The following CTNNA2 variants were observed in gnomAD, a reference collection of about 807,000 sequenced individuals.
CTNNA2 encodes catenin alpha 2, also known as catenin alpha-2.
Under a neutral mutation model 101.0 loss-of-function variants are expected in CTNNA2, and 42 were observed. That is an observed-to-expected ratio of 0.42 (90% CI 0.32 to 0.54). The LOEUF is 0.54. Ranked by LOEUF, CTNNA2 falls within the 20% of genes least tolerant of loss-of-function variation. The pLI is 0.14. For missense variants in CTNNA2, 871 were observed against 1,223.1 expected (o/e 0.71, Z 4.29); for synonymous variants, 450 against 456.4 (o/e 0.99, Z 0.18).
chr2:79,402,594 GTCTC>G (rs941414296), intron 4 of CTNNA2, among the ~76,000 whole-genome samples: 3 of 150,896 alleles, frequency 2.0e-5, no homozygotes, highest in African/African-American at 4.8e-5. Flanking sequence ...CTCTCTCTCT[GTCTC>G]TCTCTCTCTG....
At chr2:80,122,282 T>G (rs1294469310) in intron 7 of CTNNA2, among the ~76,000 whole-genome samples, 1 of 151,654 alleles carries the variant, frequency 6.6e-6, no homozygotes, top group Non-Finnish European at 1.5e-5. Flanking sequence ...TCTTTGTCTC[T>G]GTCTCTCTCT....
chr2:80,069,959 A>T (rs969831341), intron 7 of CTNNA2, among the ~76,000 whole-genome samples: 2 of 152,186 alleles, frequency 1.3e-5, no homozygotes, highest in African/African-American at 4.8e-5. Context: ...TCTTCAATTC[A>T]CTTTAATCAC....
intron 9 of CTNNA2, among the ~76,000 whole-genome samples, chr2:80,531,566 C>G (rs1442377397): frequency 2.0e-5 from 3 of 152,164 alleles, no homozygotes; most frequent in Non-Finnish European, 4.4e-5. Flanking sequence ...CTCTGTTCAC[C>G]TGCAAACTTC....
intron 4 of CTNNA2, among the ~76,000 whole-genome samples, chr2:79,410,284 A>G (rs1678394075): frequency 6.9e-6 from 1 of 143,962 alleles, no homozygotes; most frequent in Admixed American, 7.1e-5. Context: ...CTAATTGAAT[A>G]CCCTTTATTT....
intron 2 of CTNNA2, among the ~76,000 whole-genome samples, chr2:79,224,283 C>T (rs1027866142): frequency 6.6e-6 from 1 of 152,008 alleles, no homozygotes; most frequent in African/African-American, 2.4e-5. Context: ...GTTAATTTTA[C>T]CAAACCAATG....
chr2:79,710,598 A>G (rs1295338944), intron 2 of CTNNA2, among the ~76,000 whole-genome samples: 1 of 152,122 alleles, frequency 6.6e-6, no homozygotes, highest in Non-Finnish European at 1.5e-5. Flanking sequence ...TATTTTTATT[A>G]CCTCAATTCT....
At chr2:79,911,641 G>A (rs760016970) in intron 7 of CTNNA2, among the ~76,000 whole-genome samples, 6 of 152,140 alleles carry the variant, frequency 3.9e-5, no homozygotes, top group Non-Finnish European at 8.8e-5. Flanking sequence ...AATGTTTTGT[G>A]CTTTATTGAA....
chr2:79,485,646 C>T (rs1473446138), intron 4 of CTNNA2, among the ~76,000 whole-genome samples: 1 of 152,216 alleles, frequency 6.6e-6, no homozygotes, highest in Non-Finnish European at 1.5e-5. Context: ...GACTGCCACA[C>T]AGTTGCTTTC....
intron 7 of CTNNA2, among the ~76,000 whole-genome samples, chr2:80,016,981 A>T (rs1364096329): frequency 1.3e-5 from 2 of 152,220 alleles, no homozygotes; most frequent in Non-Finnish European, 2.9e-5. Context: ...TTGATATGCA[A>T]GGTGAAATAT....
intron 1 of CTNNA2, among the ~76,000 whole-genome samples, chr2:79,648,176 C>T (rs7571658): frequency 0.75 from 114,383 of 152,104 alleles, 44,194 homozygotes; most frequent in East Asian, 0.99. Context: ...AATGTACAGG[C>T]GGGATGACAT....
intron 7 of CTNNA2, among the ~76,000 whole-genome samples, chr2:80,344,048 C>A (rs1240500720): frequency 6.6e-6 from 1 of 152,170 alleles, no homozygotes; most frequent in Non-Finnish European, 1.5e-5. Context: ...AGCACCTGCA[C>A]TCTGCCCCAA....
chr2:79,645,126 G>C (rs1013628097), intron 1 of CTNNA2, among the ~76,000 whole-genome samples: 1 of 151,908 alleles, frequency 6.6e-6, no homozygotes, highest in African/African-American at 2.4e-5. Context: ...AGGACTACAG[G>C]TGCGTGCCAC....
chr2:79,416,257 CTTTTTTTTTT>C (rs66830925), intron 4 of CTNNA2, among the ~76,000 whole-genome samples: 5 of 94,656 alleles, frequency 5.3e-5, no homozygotes, highest in Non-Finnish European at 8.4e-5. Context: ...CTTTCCTTTT[CTTTTTTTTTT>C]TTTTTTTTTT....
intron 9 of CTNNA2, among the ~76,000 whole-genome samples, chr2:80,524,191 G>T (rs1464215333): frequency 1.3e-5 from 2 of 152,114 alleles, no homozygotes; most frequent in Non-Finnish European, 2.9e-5. Flanking sequence ...CTCTGAACCT[G>T]ACCATTTAGG....
At chr2:80,088,879 A>G (rs994020041) in intron 7 of CTNNA2, among the ~76,000 whole-genome samples, 4 of 152,012 alleles carry the variant, frequency 2.6e-5, no homozygotes, top group Admixed American at 2.6e-4. Flanking sequence ...CTCTTCTGTT[A>G]GTGTTTCTTT....
intron 7 of CTNNA2, among the ~76,000 whole-genome samples, chr2:79,951,963 C>G (rs1688914706): frequency 6.6e-6 from 1 of 152,204 alleles, no homozygotes; most frequent in Admixed American, 6.5e-5. Flanking sequence ...CATGGCTGCT[C>G]ATTTCATAGG....
chr2:79,320,869 C>T (rs989406432), intron 3 of CTNNA2, among the ~76,000 whole-genome samples: 3 of 152,124 alleles, frequency 2.0e-5, no homozygotes, highest in African/African-American at 7.2e-5. Flanking sequence ...TAAAGACAAC[C>T]TGAAGTACCA....
chr2:79,446,092 T>A (rs1678829991), intron 4 of CTNNA2, among the ~76,000 whole-genome samples: 1 of 152,058 alleles, frequency 6.6e-6, no homozygotes, highest in South Asian at 2.1e-4. Flanking sequence ...ACTGACAGGG[T>A]GTAATTGGAT....
rs1558579586 is a variant in CTNNA2, at chr2:80,553,231, A to AT, written c.1541-2462_1541-2461insT. Among the ~76,000 whole-genome samples the AT allele has an allele frequency of 5.7e-5, 7 of 122,390 alleles. No individual in the cohort carries two copies. The East Asian group carries it at 8.3e-4, about 14-fold the overall frequency. 80.3% of individuals were successfully genotyped at this position (122,390 alleles called of 152,430 possible). A position where few individuals can be genotyped will look rare whatever the true frequency, so the allele number is the denominator to read the frequency against. The stretch of plus-strand genomic sequence containing the variant: ...AGAGGGAGACTCCGTCTCAAAAAAA[A>AT]AAATAAAATAAAATAAAATAAAATT... On this transcript the variant is annotated intron_variant, in intron 11 of 18. Transcript: ENST00000402739.
Sources: allele counts gnomAD v4.1 joint callset (sites outside exome capture counted in the v4.1 genomes callset), GRCh38; gene constraint gnomAD v4.1.1; transcripts MANE v1.5; gene names NCBI Gene and HGNC (gene_info 2026-07-23, HGNC 2026-07-21).